MDGA2: variants seen among roughly 807,000 people sequenced by gnomAD.
The protein encoded by MDGA2 is MAM domain-containing glycosylphosphatidylinositol anchor protein 2.
Under a neutral mutation model 117.8 loss-of-function variants are expected in MDGA2, and 40 were observed. That is an observed-to-expected ratio of 0.34 (90% CI 0.26 to 0.44). MDGA2 has a LOEUF of 0.44. MDGA2 is among the 20% of genes least tolerant of loss of function. MDGA2 has a pLI of 1.00. For missense variants in MDGA2, 1,123 were observed against 1,250.6 expected (o/e 0.90, Z 1.54); for synonymous variants, 452 against 439.0 (o/e 1.03, Z -0.37).
At position 46,980,781 on chromosome 14, in the gene MDGA2, T is replaced by G. The variant is rs545419528; in HGVS notation, c.1820-23138A>C. 3.5e-4 allele frequency among the ~76,000 whole-genome samples: 54 copies of G among 152,332 alleles called. 1 individual carries two copies. Among genetic ancestry groups the G allele is most frequent in the African/African-American group, 1.2e-3 (49 of 41,582 alleles). On this transcript the variant is annotated intron_variant, in intron 8 of 16. Coordinates refer to ENST00000399232, the MANE Select transcript of MDGA2 (RefSeq NM_001113498.3). ...GGTTCAGATGATTGCAAACATTTTT[T>G]AACAATAAAGTATTTTTAGTTCAGC...
Position 47,225,753 on chromosome 14 carries a change from G to A in MDGA2, c.421-7558C>T, listed in dbSNP as rs544490616. 5.2e-3 allele frequency among the ~76,000 whole-genome samples: 787 copies of A among 151,866 alleles called. 10 individuals are homozygous for A. Among genetic ancestry groups the A allele is most frequent in the African/African-American group, 0.018 (730 of 41,394 alleles). On this transcript the variant is annotated intron_variant, in intron 2 of 16. Coordinates refer to ENST00000399232, the MANE Select transcript of MDGA2 (RefSeq NM_001113498.3). ...GGTGCAGCGCACCAGCATGGCACAT[G>A]TATACATATGTAACTAACCAGCACA...
At chr14:47,340,814 A>G (rs551534925) in intron 1 of MDGA2, among the ~76,000 whole-genome samples, 26 of 152,264 alleles carry the variant, frequency 1.7e-4, no homozygotes, top group Non-Finnish European at 2.9e-4. Flanking sequence ...ATTATAATTG[A>G]CATTTTAAAT....
chr14:47,393,648 T>C (rs879089940), intron 1 of MDGA2, among the ~76,000 whole-genome samples: 1 of 152,128 alleles, frequency 6.6e-6, no homozygotes, highest in Admixed American at 6.6e-5. Flanking sequence ...TCTATTCATT[T>C]AGAAGCCCTT....
intron 8 of MDGA2, among the ~76,000 whole-genome samples, chr14:47,029,933 T>C (rs1191602057): frequency 6.6e-6 from 1 of 151,792 alleles, no homozygotes; most frequent in Non-Finnish European, 1.5e-5. Flanking sequence ...GTTCAAGCAA[T>C]TCTCCTGACT....
At chr14:47,516,292 A>T (rs143264947) in intron 1 of MDGA2, among the ~76,000 whole-genome samples, 1 of 152,298 alleles carries the variant, frequency 6.6e-6, no homozygotes, top group East Asian at 1.9e-4. Flanking sequence ...GGAGTGTTGT[A>T]AAATGGTCTT....
At chr14:47,318,661 A>C (rs1322934429) in intron 1 of MDGA2, among the ~76,000 whole-genome samples, 1 of 152,116 alleles carries the variant, frequency 6.6e-6, no homozygotes, top group Non-Finnish European at 1.5e-5. Context: ...CCAAGGACCA[A>C]GCAATGTGAC....
intron 9 of MDGA2, among the ~76,000 whole-genome samples, chr14:46,934,002 A>T (rs1026038169): frequency 1.4e-4 from 21 of 151,560 alleles, no homozygotes; most frequent in African/African-American, 4.6e-4. Flanking sequence ...ATTTTTTCTC[A>T]AAATAAGTTT....
chr14:46,847,925 G>A (rs970204486), intron 15 of MDGA2, among the ~76,000 whole-genome samples: 2 of 151,900 alleles, frequency 1.3e-5, no homozygotes, highest in Non-Finnish European at 1.5e-5. Context: ...AAGTCTTGGG[G>A]TATATTTTCC....
At position 46,845,826 on chromosome 14, in the gene MDGA2, C is replaced by T; in HGVS notation, c.2929G>A (p.Ala977Thr). ...TCTGCAATTGATACATCATCAATAG[C>T]AATGTCACCTTCTATTCCAGGACCT... ...IRGPGIEGDIAIDDVSIAEGE... is the reference protein window; with the variant it reads ...IRGPGIEGDITIDDVSIAEGE... Residue 977 changes from alanine (A) to threonine (T), a missense_variant, in exon 16 of 17, where the codon GCT (alanine) becomes ACT (threonine). Physicochemically the swap from Ala to Thr is moderately conservative, Grantham distance 58. This residue lies in a region of MDGA2 where 890 missense variants were observed against 1,050.3 expected (regional missense o/e 0.85). Coordinates refer to ENST00000399232, the MANE Select transcript of MDGA2 (RefSeq NM_001113498.3). 1 of 1,613,524 alleles carries T rather than the reference C, an allele frequency of 6.2e-7. No homozygotes were observed. Among genetic ancestry groups the T allele is most frequent in the Non-Finnish European group, 8.5e-7 (1 of 1,179,666 alleles).
chr14:47,658,721 G>A (rs1164328056), intron 1 of MDGA2, among the ~76,000 whole-genome samples: 2 of 152,198 alleles, frequency 1.3e-5, no homozygotes, highest in East Asian at 3.9e-4. Context: ...GCTCACAACT[G>A]AGTTCCTCCC....
chr14:47,197,228 G>A (rs1432907597), intron 3 of MDGA2, among the ~76,000 whole-genome samples: 1 of 152,034 alleles, frequency 6.6e-6, no homozygotes, highest in East Asian at 1.9e-4. Flanking sequence ...TTTATATGTT[G>A]AAATCTCAAC....
chr14:46,982,008 T>C (rs1345893454), intron 8 of MDGA2, among the ~76,000 whole-genome samples: 1 of 152,244 alleles, frequency 6.6e-6, no homozygotes, highest in Non-Finnish European at 1.5e-5. Flanking sequence ...CAATATGTGA[T>C]ATGCATATAA....
intron 1 of MDGA2, among the ~76,000 whole-genome samples, chr14:47,527,953 C>T (rs1007016189): frequency 6.6e-6 from 1 of 152,174 alleles, no homozygotes; most frequent in African/African-American, 2.4e-5. Context: ...AGCATGTTTA[C>T]ACACTAAGGG....
At chr14:47,609,465 A>ACATATATATATATATATATATATAC (rs1555336021) in intron 1 of MDGA2, among the ~76,000 whole-genome samples, 2 of 107,372 alleles carry the variant, frequency 1.9e-5, no homozygotes, top group Non-Finnish European at 3.9e-5. Flanking sequence ...ATATATATAT[A>ACATATATATATATATATATATATAC]AGTTTCTTTA....
At chr14:46,998,336 C>A (rs1887376084) in intron 8 of MDGA2, among the ~76,000 whole-genome samples, 1 of 151,868 alleles carries the variant, frequency 6.6e-6, no homozygotes, top group Non-Finnish European at 1.5e-5. Context: ...AGTGAGGAAA[C>A]CAAGTCAACT....
chr14:47,346,765 T>C (rs981913936), intron 1 of MDGA2, among the ~76,000 whole-genome samples: 4 of 152,166 alleles, frequency 2.6e-5, no homozygotes, highest in African/African-American at 7.2e-5. Context: ...TTCCAAGTAC[T>C]GGGAATACAA....
At chr14:47,277,723 T>C (rs947671242) in intron 2 of MDGA2, among the ~76,000 whole-genome samples, 1 of 152,074 alleles carries the variant, frequency 6.6e-6, no homozygotes, top group African/African-American at 2.4e-5. Flanking sequence ...GGCTAAGAAA[T>C]ACAGTGGGAG....
chr14:47,592,861 T>C (rs1329590113), intron 1 of MDGA2, among the ~76,000 whole-genome samples: 2 of 152,074 alleles, frequency 1.3e-5, no homozygotes, highest in Admixed American at 6.6e-5. Context: ...CAAAAGTAAT[T>C]GCAACAAAAG....
chr14:47,344,684 ATATT>A (rs1364901313), intron 1 of MDGA2, among the ~76,000 whole-genome samples: 1 of 152,058 alleles, frequency 6.6e-6, no homozygotes, highest in African/African-American at 2.4e-5. Context: ...TAGAATATTA[ATATT>A]TATTAACCTA....
Sources: gnomAD v4.1 joint callset for allele counts (sites outside exome capture counted in the v4.1 genomes callset) on GRCh38, gnomAD v4.1.1 for gene constraint, gnomAD v4.1.1 regional missense constraint, MANE v1.5 for transcripts, NCBI Gene and HGNC (gene_info 2026-07-23, HGNC 2026-07-21) for gene names.